BTD: variants seen among roughly 807,000 people sequenced by gnomAD.
BTD encodes biocytinase.
In BTD, 13 loss-of-function variants were observed where a neutral mutation model predicts 17.7. That is an observed-to-expected ratio of 0.74 (90% CI 0.48 to 1.17). The LOEUF (loss-of-function observed/expected upper bound fraction) is 1.17, where lower values mean the gene tolerates loss of function less well. Ranked by LOEUF, BTD falls within the 50% of genes most tolerant of loss-of-function variation. The pLI is 0.00. For synonymous variants in BTD, 240 were observed against 245.2 expected (o/e 0.98, Z 0.20); for missense variants, 674 against 650.4 (o/e 1.04, Z -0.39).
chr3:15,672,304 C>T (rs193095838), intron 3 of BTD, among the ~76,000 whole-genome samples: 19 of 152,110 alleles, frequency 1.2e-4, no homozygotes, highest in Non-Finnish European at 1.9e-4. Flanking sequence ...CCATGCCTGG[C>T]TAATTTTTAA....
chr3:15,720,075 G>C (rs2073535148), intron 4 of BTD, among the ~76,000 whole-genome samples: 2 of 151,836 alleles, frequency 1.3e-5, no homozygotes, highest in South Asian at 4.2e-4. Context: ...TGCTGTCCAG[G>C]CTAGTCCTGA....
At chr3:15,601,446 GA>G, upstream of BTD, 5 of 1,613,564 alleles carry the variant, frequency 3.1e-6, no homozygotes, top group Non-Finnish European at 4.2e-6. Flanking sequence ...TGCGCTCTGC[GA>G]AGTTACTGTC....
chr3:15,694,597 G>A, intron 3 of BTD: 11 of 494,624 alleles, frequency 2.2e-5, no homozygotes, highest in South Asian at 5.9e-5. Flanking sequence ...CTGAATTAAA[G>A]AAAGTTCTCA....
intron 3 of BTD, among the ~76,000 whole-genome samples, chr3:15,687,674 T>C (rs535874202): frequency 6.6e-6 from 1 of 151,432 alleles, no homozygotes; most frequent in South Asian, 2.1e-4. Context: ...CTAATAGTTA[T>C]TAAACTTGTG....
downstream of BTD, among the ~76,000 whole-genome samples, chr3:15,716,751 T>C (rs906785583): frequency 6.6e-5 from 10 of 152,192 alleles, no homozygotes; most frequent in Non-Finnish European, 1.2e-4. Flanking sequence ...TTGGAAGATA[T>C]AACTATAGTT....
At chr3:15,695,403 T>G (rs1473155219) in intron 3 of BTD, among the ~76,000 whole-genome samples, 1 of 152,094 alleles carries the variant, frequency 6.6e-6, no homozygotes, top group Non-Finnish European at 1.5e-5. Flanking sequence ...AGGTCTAAAA[T>G]TTTGGTGTGA....
In BTD at chr3:15,601,771, G is replaced by A. The variant is rs990375154; in HGVS notation, c.-140G>A. ...GGAGATTGCTGCCTATGCAAAGCAG[G>A]TAAGAAGCCGAACTCTGAGGCCTCT... On this transcript the variant is annotated 5_prime_UTR_variant, in exon 1 of 4. Coordinates refer to ENST00000643237, the MANE Select transcript of BTD (RefSeq NM_001370658.1). The A allele has an allele frequency of 1.2e-6, 2 of 1,609,740 alleles. No homozygotes were observed. The highest frequency in any genetic ancestry group is 2.7e-5 in the African/African-American group (2 of 74,916).
intron 2 of BTD, among the ~76,000 whole-genome samples, chr3:15,637,640 T>A (rs776394738): frequency 3.9e-5 from 6 of 152,230 alleles, no homozygotes; most frequent in Non-Finnish European, 7.3e-5. Flanking sequence ...CCCCAGGCTG[T>A]GCCCTCAGAC....
chr3:15,674,834 T>C (rs921937137), intron 3 of BTD, among the ~76,000 whole-genome samples: 3 of 152,212 alleles, frequency 2.0e-5, no homozygotes, highest in African/African-American at 7.2e-5. Flanking sequence ...CGATCAGTTG[T>C]GCCAAAAGCT....
chr3:15,678,308 G>A (rs929821181), intron 3 of BTD: 1 of 1,612,716 alleles, frequency 6.2e-7, no homozygotes, highest in Non-Finnish European at 8.5e-7. Flanking sequence ...AGCAGCAGCT[G>A]TAAACACTCT....
downstream of BTD, among the ~76,000 whole-genome samples, chr3:15,715,431 C>T (rs2072887519): frequency 6.6e-6 from 1 of 152,174 alleles, no homozygotes; most frequent in South Asian, 2.1e-4. Context: ...CTTTAAAAAT[C>T]CTCATGTCTT....
intron 3 of BTD, chr3:15,685,200 TA>T: frequency 6.3e-7 from 1 of 1,587,854 alleles, no homozygotes; most frequent in Non-Finnish European, 8.6e-7. Context: ...TACACAATGA[TA>T]TGCATTTGTG....
chr3:15,632,822 C>T (rs1305078046), intron 1 of BTD: 4 of 152,352 alleles, frequency 2.6e-5, no homozygotes, highest in African/African-American at 9.7e-5. Context: ...CTGCTGAACC[C>T]TTCAGAGTCC....
chr3:15,619,315 A>T (rs923006175), intron 1 of BTD, among the ~76,000 whole-genome samples: 3 of 152,140 alleles, frequency 2.0e-5, no homozygotes, highest in African/African-American at 7.2e-5. Flanking sequence ...TGATATAATC[A>T]TGTGATTTTT....
chr3:15,720,611 A>G (rs2073614956), intron 4 of BTD, among the ~76,000 whole-genome samples: 1 of 152,174 alleles, frequency 6.6e-6, no homozygotes, highest in Non-Finnish European at 1.5e-5. Context: ...ATCATCACAT[A>G]ACGTCCCTTC....
In BTD at chr3:15,645,091, A is replaced by G. The variant is rs760508628; in HGVS notation, c.1175A>G (p.Glu392Gly). ...ACCCTGGTCCCTGTCTGGGGAAAGGAAGGCTATCTCCACGTCTGTTCCAAT... is the reference window on the plus strand; with the variant it reads ...ACCCTGGTCCCTGTCTGGGGAAAGGGAGGCTATCTCCACGTCTGTTCCAAT... ...NFTLVPVWGKEGYLHVCSNGL... is the reference protein window; with the variant it reads ...NFTLVPVWGKGGYLHVCSNGL... Residue 392 changes from glutamate to glycine, a missense_variant, in exon 4 of 4, where the codon GAA (glutamate) becomes GGA (glycine). Glu to Gly is a moderately conservative substitution (Grantham distance 98). Transcript: ENST00000643237. 3 of 1,614,030 alleles carry G rather than the reference A, an allele frequency of 1.9e-6. No individual in the cohort carries two copies. The highest frequency in any genetic ancestry group is 2.5e-6 in the Non-Finnish European group (3 of 1,180,038).
chr3:15,693,753 A>C (rs1361474499), intron 3 of BTD, among the ~76,000 whole-genome samples: 3 of 152,184 alleles, frequency 2.0e-5, no homozygotes, highest in African/African-American at 7.2e-5. Flanking sequence ...CCAAGGACTC[A>C]AAGGGCAAAG....
chr3:15,635,642 A>G lies in BTD; in HGVS notation c.203A>G (p.Gln68Arg). The change falls in exon 2 of 4, where the codon CAG (glutamine) becomes CGG (arginine). Residue 68 changes from glutamine (Q) to arginine (R), a missense_variant. Gln to Arg is a conservative substitution (Grantham distance 43). Coordinates refer to ENST00000643237, the MANE Select transcript of BTD (RefSeq NM_001370658.1). This position sits in a 1 kb window ranked among gnomAD's most constrained non-coding sequence, Gnocchi z 4.1. Reference protein sequence around the residue: ...SRQEALELMNQNLDIYEQQVM... With the variant: ...SRQEALELMNRNLDIYEQQVM... ...CAAGAGGCCTTGGAGCTCATGAACC[A>G]GAACCTTGACATCTATGAACAGCAA... 6.2e-7 allele frequency: 1 copy of G among 1,614,234 alleles called. No individual in the cohort carries two copies. Among genetic ancestry groups the G allele is most frequent in the Non-Finnish European group, 8.5e-7 (1 of 1,180,040 alleles).
chr3:15,603,900 C>T (rs1216558941), intron 1 of BTD, among the ~76,000 whole-genome samples: 4 of 152,216 alleles, frequency 2.6e-5, no homozygotes, highest in African/African-American at 7.2e-5. Context: ...CATGCTGATG[C>T]AAGAGGTGGG....
Sources: allele counts gnomAD v4.1 joint callset (sites outside exome capture counted in the v4.1 genomes callset), GRCh38; gene constraint gnomAD v4.1.1; non-coding constraint Gnocchi (gnomAD v3.1); transcripts MANE v1.5; gene names NCBI Gene and HGNC (gene_info 2026-07-23, HGNC 2026-07-21).